HRH2: variants seen among roughly 807,000 people sequenced by gnomAD.
The protein encoded by HRH2 is histamine receptor H2.
Under a neutral mutation model 20.1 loss-of-function variants are expected in HRH2, and 4 were observed. The observed-to-expected ratio is 0.20, with a 90% CI of 0.10 to 0.45. HRH2 has a LOEUF of 0.45. HRH2 is among the 20% of genes least tolerant of loss of function. The pLI is 0.99. For synonymous variants in HRH2, 197 were observed against 200.7 expected (o/e 0.98, Z 0.16); for missense variants, 250 against 461.6 (o/e 0.54, Z 4.20).
chr5:175,703,319 A>T (rs1309829894), intron 2 of HRH2, among the ~76,000 whole-genome samples: 1 of 152,224 alleles, frequency 6.6e-6, no homozygotes, highest in African/African-American at 2.4e-5. Flanking sequence ...ATTTTTTAAT[A>T]GATCATGGGA....
rs575251388 is a variant in HRH2, at chr5:175,692,171, G to A, written c.1076+7862G>A. On this transcript the variant is annotated intron_variant, in intron 2 of 2. Coordinates refer to ENST00000636584, the MANE Select transcript of HRH2 (RefSeq NM_001367711.1). Reference sequence around the variant, plus strand: ...AGGCTGTGCAGCCCATTCAATCCCTGTTGCAGTGCTGCAACTCTGCCCTTG... The same window carrying A: ...AGGCTGTGCAGCCCATTCAATCCCTATTGCAGTGCTGCAACTCTGCCCTTG... Among the ~76,000 whole-genome samples the A allele has an allele frequency of 1.4e-4, 21 of 152,310 alleles. 1 individual carries two copies. In the Middle Eastern group the frequency reaches 0.02, roughly 148 times the overall value.
At chr5:175,672,448 CAT>C (rs1389790761) in intron 1 of HRH2, among the ~76,000 whole-genome samples, 1 of 152,216 alleles carries the variant, frequency 6.6e-6, no homozygotes, top group East Asian at 1.9e-4. Context: ...AGTCACAAAA[CAT>C]CATAAACCTT....
At chr5:175,665,014 C>CGGA in intron 1 of HRH2, among the ~76,000 whole-genome samples, 1 of 152,134 alleles carries the variant, frequency 6.6e-6, no homozygotes, top group East Asian at 1.9e-4. Context: ...CCAGACAGTG[C>CGGA]GGAGGAGGGT....
chr5:175,695,672 G>C (rs894922445), intron 2 of HRH2, among the ~76,000 whole-genome samples: 2 of 152,216 alleles, frequency 1.3e-5, no homozygotes, highest in Non-Finnish European at 2.9e-5. Flanking sequence ...CAGCGACATC[G>C]GAAGGTTATT....
intron 1 of HRH2, among the ~76,000 whole-genome samples, chr5:175,676,597 T>A (rs1190462190): frequency 3.3e-5 from 5 of 152,252 alleles, no homozygotes; most frequent in Non-Finnish European, 7.3e-5. Flanking sequence ...CCAGGTTTTT[T>A]AAAATTTGTA....
intron 2 of HRH2, among the ~76,000 whole-genome samples, chr5:175,704,359 A>G (rs1165908633): frequency 6.6e-6 from 1 of 152,170 alleles, no homozygotes; most frequent in African/African-American, 2.4e-5. Flanking sequence ...AATTCAGCTC[A>G]TCAACAAATT....
chr5:175,661,726 A>C (rs1762741971), intron 1 of HRH2, among the ~76,000 whole-genome samples: 1 of 152,178 alleles, frequency 6.6e-6, no homozygotes, highest in South Asian at 2.1e-4. Context: ...AGGCATATAA[A>C]AGATGCCATC....
At chr5:175,664,814 T>A (rs879771756) in intron 1 of HRH2, among the ~76,000 whole-genome samples, 1 of 152,158 alleles carries the variant, frequency 6.6e-6, no homozygotes, top group African/African-American at 2.4e-5. Context: ...TTTATTTTTT[T>A]CTTTGTAGAG....
At chr5:175,699,107 GA>G (rs1259755804) in intron 2 of HRH2, among the ~76,000 whole-genome samples, 1 of 151,926 alleles carries the variant, frequency 6.6e-6, no homozygotes, top group Non-Finnish European at 1.5e-5. Context: ...GAAGTGTGGG[GA>G]GAAGGCCGTG....
Position 175,684,089 on chromosome 5 carries a change from A to G in HRH2, c.856A>G (p.Ile286Val), listed in dbSNP as rs1283517020. ...CTATGCCAACTCAGCCCTGAACCCC[A>G]TCCTGTATGCTGCGCTGAACAGAGA... Reference protein sequence around the residue: ...LGYANSALNPILYAALNRDFR... With the variant: ...LGYANSALNPVLYAALNRDFR... Residue 286 changes from isoleucine (I) to valine (V), a missense_variant, in exon 2 of 3, where the codon ATC (isoleucine) becomes GTC (valine). By Grantham distance (29) the Ile-to-Val change is conservative (BLOSUM62 3). Around this residue, in one of 5 missense-constraint regions of HRH2, gnomAD observed 58 missense variants for 166.8 expected, o/e 0.35. Coordinates refer to ENST00000636584, the MANE Select transcript of HRH2 (RefSeq NM_001367711.1). 6.2e-7 allele frequency: 1 copy of G among 1,614,188 alleles called. No individual in the cohort carries two copies. Among genetic ancestry groups the G allele is most frequent in the South Asian group, 1.1e-5 (1 of 91,086 alleles).
chr5:175,696,877 C>T lies in HRH2; in HGVS notation c.1077-10902C>T, dbSNP rs576335746. Among the ~76,000 whole-genome samples, 29 of 152,352 alleles carry T rather than the reference C, an allele frequency of 1.9e-4. 1 individual carries two copies. Among genetic ancestry groups the T allele is most frequent in the African/African-American group, 6.5e-4 (27 of 41,586 alleles). ...GAACTGAGTTAAGACATAGAAAATGCTAGAGCCGGGCCGCAGTGCAGCAGG... is the reference window on the plus strand; with the variant it reads ...GAACTGAGTTAAGACATAGAAAATGTTAGAGCCGGGCCGCAGTGCAGCAGG... On this transcript the variant is annotated intron_variant, in intron 2 of 2. Transcript: ENST00000636584.
At chr5:175,660,412 A>T (rs1414023887) in intron 1 of HRH2, among the ~76,000 whole-genome samples, 1 of 152,192 alleles carries the variant, frequency 6.6e-6, no homozygotes, top group Non-Finnish European at 1.5e-5. Flanking sequence ...GACCACCAAA[A>T]GTTGAGAGTT....
chr5:175,685,439 T>C, intron 2 of HRH2: 1 of 1,551,718 alleles, frequency 6.4e-7, no homozygotes, highest in African/African-American at 1.4e-5. Flanking sequence ...AATGCTGGTC[T>C]GTGGAACTGA....
chr5:175,706,098 T>C (rs1202297870), intron 2 of HRH2, among the ~76,000 whole-genome samples: 1 of 152,214 alleles, frequency 6.6e-6, no homozygotes, highest in African/African-American at 2.4e-5. Flanking sequence ...CGATTTTATA[T>C]ACCTACAAGT....
At position 175,683,814 on chromosome 5, in the gene HRH2, C is replaced by G. The variant is rs1438986908; in HGVS notation, c.581C>G (p.Pro194Arg). ...GATGGGCTGGTCACCTTCTACCTCC[C>G]GCTACTGATCATGTGCATCACCTAC... is the stretch of plus-strand genomic sequence containing the variant. Reference protein sequence around the residue: ...LVDGLVTFYLPLLIMCITYYR... With the variant: ...LVDGLVTFYLRLLIMCITYYR... The change falls in exon 2 of 3, where the codon CCG becomes CGG. Residue 194 changes from proline (P) to arginine (R), a missense_variant. Coordinates refer to ENST00000636584, the MANE Select transcript of HRH2 (RefSeq NM_001367711.1). 6.2e-7 allele frequency: 1 copy of G among 1,614,004 alleles called. No homozygotes were observed.
At chr5:175,670,799 G>A (rs565819302) in intron 1 of HRH2, among the ~76,000 whole-genome samples, 1 of 152,356 alleles carries the variant, frequency 6.6e-6, no homozygotes, top group African/African-American at 2.4e-5. Flanking sequence ...GCCACATCAG[G>A]ATGATGAAAA....
chr5:175,664,258 T>A (rs918799995), intron 1 of HRH2, among the ~76,000 whole-genome samples: 8 of 152,176 alleles, frequency 5.3e-5, no homozygotes, highest in Admixed American at 5.2e-4. Context: ...AGCCAAAGCC[T>A]CTGTTAACAT....
chr5:175,672,041 T>A (rs1212318584), intron 1 of HRH2, among the ~76,000 whole-genome samples: 1 of 152,146 alleles, frequency 6.6e-6, no homozygotes, highest in African/African-American at 2.4e-5. Context: ...TATGGAGGGC[T>A]CATGATTCCT....
At position 175,690,251 on chromosome 5, in the gene HRH2, A is replaced by G. The variant is rs146119947; in HGVS notation, c.1076+5942A>G. On this transcript the variant is annotated intron_variant, in intron 2 of 2. Coordinates refer to ENST00000636584, the MANE Select transcript of HRH2 (RefSeq NM_001367711.1). ...GGCTGCCTTGTGAAGCTGCTGCCCC[A>G]TCTCACAGCTGCTGGGGGTGCTCTC... Among the ~76,000 whole-genome samples, 313 of 152,262 alleles carry G rather than the reference A, an allele frequency of 2.1e-3. 2 individuals carry two copies. Among genetic ancestry groups the G allele is most frequent in the African/African-American group, 7.1e-3 (295 of 41,552 alleles).
Sources: gnomAD v4.1 joint callset for allele counts (sites outside exome capture counted in the v4.1 genomes callset) on GRCh38, gnomAD v4.1.1 for gene constraint, gnomAD v4.1.1 regional missense constraint, MANE v1.5 for transcripts, NCBI Gene and HGNC (gene_info 2026-07-23, HGNC 2026-07-21) for gene names.